DCAF8L2: variants seen among roughly 807,000 people sequenced by gnomAD.
DCAF8L2 encodes the protein DDB1- and CUL4-associated factor 8-like protein 2.
For synonymous variants in DCAF8L2, 200 were observed against 190.9 expected (o/e 1.05, Z -0.39); for missense variants, 430 against 490.7 (o/e 0.88, Z 1.17).
At chrX:27,708,316 A>C (rs751322055) in intron 3 of DCAF8L2, among the ~76,000 whole-genome samples, 2 of 111,928 alleles carry the variant, frequency 1.8e-5, no homozygotes, top group East Asian at 5.6e-4. Flanking sequence ...GTTGCTGCAA[A>C]GGACATGATT....
intron 3 of DCAF8L2, among the ~76,000 whole-genome samples, chrX:27,714,906 T>A (rs1448864099): frequency 9.0e-6 from 1 of 111,557 alleles, no homozygotes; most frequent in African/African-American, 3.3e-5. Context: ...ATTTTTTTAT[T>A]TTTTATTTTT....
the DCAF8L2 span, among the ~76,000 whole-genome samples, chrX:27,529,646 T>C: frequency 8.9e-6 from 1 of 111,968 alleles, no homozygotes; most frequent in African/African-American, 3.2e-5. Flanking sequence ...CAATTAGTGA[T>C]AGATATTTTT....
the DCAF8L2 span, among the ~76,000 whole-genome samples, chrX:27,505,038 T>C: frequency 1.1e-4 from 12 of 111,919 alleles, 1 homozygote; most frequent in Admixed American, 5.7e-4. Context: ...TTCACTGATA[T>C]GAAAACACCT....
At chrX:27,560,332 C>A in the DCAF8L2 span, among the ~76,000 whole-genome samples, 1 of 109,339 alleles carries the variant, frequency 9.1e-6, no homozygotes, top group Non-Finnish European at 1.9e-5. Context: ...GAGGATTTTT[C>A]TTTACCCCTG....
Position 27,747,194 on chromosome X carries a change from T to C in DCAF8L2, c.299T>C (p.Leu100Ser). ...FEHFLMSGES[L>S]FHYPLVGEEE... Reference sequence around the variant, plus strand: ...CATTTCCTCATGAGTGGTGAAAGTTTATTCCATTACCCTTTAGTGGGAGAG... The same window carrying C: ...CATTTCCTCATGAGTGGTGAAAGTTCATTCCATTACCCTTTAGTGGGAGAG... The change falls in exon 5 of 5, where the codon TTA becomes TCA. Residue 100 changes from leucine to serine, a missense_variant. Coordinates refer to ENST00000451261, the MANE Select transcript of DCAF8L2 (RefSeq NM_001353450.2). 1 of 1,165,699 alleles carries C rather than the reference T, an allele frequency of 8.6e-7. No homozygotes were observed. Among genetic ancestry groups the C allele is most frequent in the Non-Finnish European group, 1.1e-6 (1 of 872,484 alleles).
the DCAF8L2 span, among the ~76,000 whole-genome samples, chrX:27,550,775 A>C: frequency 1.6e-3 from 172 of 110,151 alleles, no homozygotes; most frequent in Non-Finnish European, 2.8e-3. Flanking sequence ...GAGTGAGATC[A>C]TGTGGTACAG....
chrX:27,680,742 C>G (rs1407632858), intron 3 of DCAF8L2, among the ~76,000 whole-genome samples: 2 of 109,081 alleles, frequency 1.8e-5, no homozygotes, highest in African/African-American at 6.9e-5. Flanking sequence ...TTAATACTTT[C>G]AATTGTTAAG....
At chrX:27,690,241 C>T (rs927604735) in intron 3 of DCAF8L2, among the ~76,000 whole-genome samples, 2 of 111,240 alleles carry the variant, frequency 1.8e-5, no homozygotes, top group Non-Finnish European at 3.8e-5. Context: ...TAGAGGAGGT[C>T]AAGAGCTTGG....
chrX:27,591,342 A>T (rs909397676), intron 1 of DCAF8L2, among the ~76,000 whole-genome samples: 4 of 110,936 alleles, frequency 3.6e-5, no homozygotes, highest in African/African-American at 1.3e-4. Context: ...AGATACTATG[A>T]TAACCAAAAC....
the DCAF8L2 span, among the ~76,000 whole-genome samples, chrX:27,499,232 G>A: frequency 9.0e-6 from 1 of 111,724 alleles, no homozygotes; most frequent in Admixed American, 9.5e-5. Flanking sequence ...TCACCAACAC[G>A]TGTTATCTTT....
intron 1 of DCAF8L2, among the ~76,000 whole-genome samples, chrX:27,616,896 A>T (rs1280748576): frequency 1.8e-5 from 2 of 111,641 alleles, no homozygotes; most frequent in Admixed American, 9.5e-5. Flanking sequence ...TACAAAATGG[A>T]TTTTCCCAAG....
the DCAF8L2 span, among the ~76,000 whole-genome samples, chrX:27,581,965 T>C: frequency 8.9e-6 from 1 of 112,234 alleles, no homozygotes; most frequent in South Asian, 3.6e-4. Flanking sequence ...GTGGGTTTAT[T>C]TTATTTTGAG....
the DCAF8L2 span, among the ~76,000 whole-genome samples, chrX:27,552,866 G>A: frequency 8.9e-6 from 1 of 111,758 alleles, no homozygotes; most frequent in Non-Finnish European, 1.9e-5. Context: ...GCTTTGGGTA[G>A]TATAGATGTT....
At chrX:27,675,736 A>G (rs1930117381) in intron 2 of DCAF8L2, among the ~76,000 whole-genome samples, 1 of 112,157 alleles carries the variant, frequency 8.9e-6, no homozygotes, top group African/African-American at 3.2e-5. Context: ...ATAGGTGATG[A>G]CAACACATAA....
the DCAF8L2 span, among the ~76,000 whole-genome samples, chrX:27,481,250 C>T: frequency 9.4e-4 from 104 of 110,106 alleles, no homozygotes; most frequent in African/African-American, 3.4e-3. Flanking sequence ...TGGTGGCAGA[C>T]GCCTGTAATC....
intron 3 of DCAF8L2, among the ~76,000 whole-genome samples, chrX:27,681,379 T>C (rs1930322715): frequency 1.8e-5 from 2 of 111,561 alleles, no homozygotes; most frequent in East Asian, 5.6e-4. Context: ...CTCTAGACTG[T>C]GAGATATTAG....
At chrX:27,636,959 C>A (rs1938363139) in intron 2 of DCAF8L2, among the ~76,000 whole-genome samples, 1 of 111,453 alleles carries the variant, frequency 9.0e-6, no homozygotes, top group African/African-American at 3.3e-5. Context: ...GCTCTGGCCA[C>A]TAGGAGACGA....
At chrX:27,603,699 A>G (rs1926751605) in intron 1 of DCAF8L2, among the ~76,000 whole-genome samples, 1 of 111,906 alleles carries the variant, frequency 8.9e-6, no homozygotes, top group Non-Finnish European at 1.9e-5. Flanking sequence ...TATTTCAACT[A>G]TATTTCAGTC....
the DCAF8L2 span, among the ~76,000 whole-genome samples, chrX:27,472,050 C>T: frequency 8.9e-6 from 1 of 111,878 alleles, no homozygotes; most frequent in Non-Finnish European, 1.9e-5. Context: ...TGAATTTCCA[C>T]AGTGAGTAAA....
Sources: allele counts gnomAD v4.1 joint callset (sites outside exome capture counted in the v4.1 genomes callset), GRCh38; gene constraint gnomAD v4.1.1; transcripts MANE v1.5; gene names NCBI Gene and HGNC (gene_info 2026-07-23, HGNC 2026-07-21).